KLHL8: variants seen among roughly 807,000 people sequenced by gnomAD.
The protein encoded by KLHL8 is kelch-like protein 8.
Under a neutral mutation model 63.5 loss-of-function variants are expected in KLHL8, and 38 were observed. The ratio of observed to expected loss-of-function variants is 0.60; its 90% CI spans 0.46 to 0.78. The LOEUF (loss-of-function observed/expected upper bound fraction) is 0.78, where lower values mean the gene tolerates loss of function less well. Ranked by LOEUF, KLHL8 falls within the 30% of genes least tolerant of loss-of-function variation. KLHL8 has a pLI of 0.00. For missense variants in KLHL8, 566 were observed against 752.4 expected (o/e 0.75, Z 2.90); for synonymous variants, 224 against 254.3 (o/e 0.88, Z 1.13).
chr4:87,221,805 T>A (rs1172184237), upstream of KLHL8, among the ~76,000 whole-genome samples: 1 of 152,212 alleles, frequency 6.6e-6, no homozygotes. Context: ...ATTCTTAATA[T>A]TTCAAAATAT....
At chr4:87,218,513 G>A (rs947695083) in intron 1 of KLHL8, among the ~76,000 whole-genome samples, 5 of 152,186 alleles carry the variant, frequency 3.3e-5, no homozygotes, top group African/African-American at 9.6e-5. Flanking sequence ...CACCGCGCCC[G>A]GCCCTAACTT....
At chr4:87,217,819 T>C (rs1397763267) in intron 1 of KLHL8, among the ~76,000 whole-genome samples, 1 of 152,070 alleles carries the variant, frequency 6.6e-6, no homozygotes, top group Non-Finnish European at 1.5e-5. Context: ...TAAATGTGAC[T>C]CTTGGGAATT....
rs374757587 is a variant in KLHL8, at chr4:87,162,540, CTGA to C, written c.*976_*978del. 18 of 152,244 alleles carry C rather than the reference CTGA, an allele frequency of 1.2e-4. No individual in the cohort carries two copies. The highest frequency in any genetic ancestry group is 4.1e-4 in the African/African-American group (17 of 41,558). The allele number at this position is 152,244 out of a possible 1,614,324, so 9.4% of individuals were successfully genotyped here. On this transcript the variant is annotated 3_prime_UTR_variant, in exon 10 of 10. Transcript: ENST00000273963. ...GGTTTTTGTAAAAATGCATTCATTT[CTGA>C]TAATAAATAAATGCAGATTGATTCT... is the stretch of plus-strand genomic sequence containing the variant.
chr4:87,206,735 G>A (rs1184080473), intron 1 of KLHL8, among the ~76,000 whole-genome samples: 1 of 152,208 alleles, frequency 6.6e-6, no homozygotes, highest in East Asian at 1.9e-4. Flanking sequence ...TGATGTCAAG[G>A]CCCAACTTAA....
At chr4:87,163,758 TGGGAGATAAGATATCCCAAA>T in intron 9 of KLHL8, 100 bp downstream of exon 9, 1 of 1,529,746 alleles carries the variant, frequency 6.5e-7, no homozygotes, top group Non-Finnish European at 9.0e-7. Flanking sequence ...AAGCTTCCAG[TGGGAGATAAGATATCCCAAA>T]GCTTAGTATT....
At chr4:87,226,656 C>CTTATATATAATATATATTAT (rs1732986041) in intron 1 of KLHL8, among the ~76,000 whole-genome samples, 1 of 39,712 alleles carries the variant, frequency 2.5e-5, no homozygotes, top group South Asian at 5.8e-4. Context: ...ATATATATTA[C>CTTATATATAATATATATTAT]TTATATATAA....
At chr4:87,236,272 G>T (rs938059433) in intron 1 of KLHL8, among the ~76,000 whole-genome samples, 5 of 149,404 alleles carry the variant, frequency 3.3e-5, no homozygotes, top group African/African-American at 1.2e-4. Context: ...GCAGTGGGGC[G>T]ATCTCGGCTC....
intron 6 of KLHL8, among the ~76,000 whole-genome samples, chr4:87,174,134 C>A (rs1221376094): frequency 6.6e-6 from 1 of 151,980 alleles, no homozygotes; most frequent in Admixed American, 6.6e-5. Flanking sequence ...ACCATATAAG[C>A]CACAATGTCT....
chr4:87,175,814 A>G (rs556428607), intron 6 of KLHL8, among the ~76,000 whole-genome samples: 9 of 152,326 alleles, frequency 5.9e-5, no homozygotes, highest in African/African-American at 2.2e-4. Flanking sequence ...AACTTAAAAT[A>G]TTACTGTTCA....
chr4:87,184,663 A>C (rs1264074360), intron 3 of KLHL8, among the ~76,000 whole-genome samples: 5 of 152,030 alleles, frequency 3.3e-5, no homozygotes, highest in Non-Finnish European at 7.4e-5. Flanking sequence ...GGAGAGGAAG[A>C]CGACAAAAGA....
intron 1 of KLHL8, among the ~76,000 whole-genome samples, chr4:87,201,217 C>T (rs1731905989): frequency 6.6e-6 from 1 of 152,142 alleles, no homozygotes; most frequent in Non-Finnish European, 1.5e-5. Flanking sequence ...ATAGTTAACA[C>T]TAGTGTACTG....
intron 2 of KLHL8, among the ~76,000 whole-genome samples, chr4:87,192,344 T>C (rs973796889): frequency 6.6e-6 from 1 of 152,238 alleles, no homozygotes; most frequent in African/African-American, 2.4e-5. Flanking sequence ...TGGTTCTGGT[T>C]TGCATTCTTC....
Sources: allele counts gnomAD v4.1 joint callset (sites outside exome capture counted in the v4.1 genomes callset), GRCh38; gene constraint gnomAD v4.1.1; transcripts MANE v1.5; gene names NCBI Gene and HGNC (gene_info 2026-07-23, HGNC 2026-07-21).